IL16: variants seen among roughly 807,000 people sequenced by gnomAD.
The protein encoded by IL16 is pro-interleukin-16.
A neutral mutation model predicts 110.1 loss-of-function variants in IL16; 67 were observed. The ratio of observed to expected loss-of-function variants is 0.61; its 90% CI spans 0.50 to 0.75. IL16 has a LOEUF of 0.75. IL16 is among the 30% of genes least tolerant of loss of function. The pLI, the probability that IL16 is intolerant of heterozygous loss-of-function variation, is 0.00. For synonymous variants in IL16, 689 were observed against 662.9 expected, an observed-to-expected ratio of 1.04 and a Z score of -0.61; for missense variants, 1,545 against 1,655.0, an observed-to-expected ratio of 0.93 and a Z score of 1.15.
intron 1 of IL16, among the ~76,000 whole-genome samples, chr15:81,200,308 A>G (rs1241601613): frequency 6.6e-6 from 1 of 151,682 alleles, no homozygotes; most frequent in Non-Finnish European, 1.5e-5. Flanking sequence ...TAAAATGTAA[A>G]TTATTATGGT....
chr15:81,186,771 A>G (rs1348743502), intron 1 of IL16, among the ~76,000 whole-genome samples: 1 of 152,192 alleles, frequency 6.6e-6, no homozygotes, highest in Non-Finnish European at 1.5e-5. Flanking sequence ...TATCACATCT[A>G]TCCATCTCTC....
rs752074799 is a variant in IL16 at position 81,243,730 on chromosome 15, T to G, written c.313-16042T>G. Among the ~76,000 whole-genome samples, 77 of 152,186 alleles carry G rather than the reference T, an allele frequency of 5.1e-4. 1 individual carries two copies. The highest frequency in any genetic ancestry group is 6.6e-4 in the Admixed American group (10 of 15,206). ...TTTTGAAATTACAAATTCAATGTTC[T>G]TAATAGTTATAGAACTATTCAAATT... On this transcript the variant is annotated intron_variant, in intron 2 of 18. Transcript: ENST00000683961.
intron 1 of IL16, among the ~76,000 whole-genome samples, chr15:81,221,671 G>A (rs8040950): frequency 0.053 from 7,748 of 147,276 alleles, 684 homozygotes; most frequent in African/African-American, 0.19. Context: ...TTTTGCAATT[G>A]TTCTCTTCCT....
At chr15:81,282,578 G>T in intron 8 of IL16, 61 bp from the exon 9 acceptor site, 1 of 1,252,018 alleles carries the variant, frequency 8.0e-7, no homozygotes, top group Non-Finnish European at 1.2e-6. Context: ...CCCAATCGAC[G>T]AGTAGGCCCC....
chr15:81,218,941 T>C lies in IL16; in HGVS notation c.-101-6358T>C, dbSNP rs200374372. Among the ~76,000 whole-genome samples, 121 of 152,324 alleles carry C rather than the reference T, an allele frequency of 7.9e-4. 2 individuals carry two copies. In the East Asian group the frequency reaches 0.021, roughly 27 times the overall value. On this transcript the variant is annotated intron_variant, in intron 1 of 18. Transcript: ENST00000683961. ...TGTTTTTTTGAGTAACAATTTTTTT[T>C]TTTTTAGTCCATACTACGTGCAAGG...
exon 1 of IL16, chr15:81,182,873 G>C (rs1292445783): frequency 1.6e-6 from 2 of 1,289,524 alleles, no homozygotes; most frequent in East Asian, 5.6e-5. Flanking sequence ...TTGCAGAAGA[G>C]AGTCTTCCCG....
intron 8 of IL16, among the ~76,000 whole-genome samples, chr15:81,282,267 T>G (rs898739273): frequency 1.2e-4 from 19 of 152,206 alleles, no homozygotes; most frequent in African/African-American, 4.6e-4. Context: ...ACTTGTATTT[T>G]AGCCCAACTG....
At chr15:81,305,872 G>A in intron 16 of IL16, 36 bp from the exon 17 acceptor site, 3 of 1,606,760 alleles carry the variant, frequency 1.9e-6, no homozygotes, top group Non-Finnish European at 1.7e-6. Context: ...CTGGACTTGT[G>A]TGATTTCTGG....
intron 1 of IL16, among the ~76,000 whole-genome samples, chr15:81,200,859 T>G (rs1027408486): frequency 6.6e-6 from 1 of 152,206 alleles, no homozygotes; most frequent in Non-Finnish European, 1.5e-5. Context: ...TCATCTGTCT[T>G]TTTTTCTGTA....
At chr15:81,200,942 A>G (rs1322703372) in intron 1 of IL16, among the ~76,000 whole-genome samples, 2 of 152,176 alleles carry the variant, frequency 1.3e-5, no homozygotes, top group African/African-American at 4.8e-5. Context: ...CAGGTGGCCC[A>G]GTCTTATGCG....
Position 81,297,023 on chromosome 15 carries a change from C to T in IL16, c.1998C>T (p.Gly666=), listed in dbSNP as rs758120727. ...ASAGCPGPGI[G]PQTKSSTEGE... is the part of the protein sequence containing the mutation. ...CCGGCTGCCCAGGACCTGGTATCGG[C>T]CCACAGACCAAGTCCTCCACAGAGG... is the stretch of plus-strand genomic sequence containing the variant. The change falls in exon 13 of 19, where the codon GGC becomes GGT. Residue 666 remains glycine, a synonymous_variant. Transcript: ENST00000683961. The T allele has an allele frequency of 3.1e-6, 5 of 1,613,906 alleles. No homozygotes were observed. The highest frequency in any genetic ancestry group is 1.1e-5 in the South Asian group (1 of 91,068).
Position 81,225,621 on chromosome 15 carries a change from T to G in IL16, c.222T>G (p.Val74=). 1 of 1,614,086 alleles carries G rather than the reference T, an allele frequency of 6.2e-7. No individual in the cohort carries two copies. The highest frequency in any genetic ancestry group is 1.1e-5 in the South Asian group (1 of 91,076). Residue 74 remains valine, a synonymous_variant, in exon 2 of 19, where the codon GTT becomes GTG. Transcript: ENST00000683961. ...ADTSEAGPSS[V]PDLALASEAA... ...CATCGGAGGCTGGGCCCAGCAGTGT[T>G]CCTGATCTAGCACTGGCCTCGGAGG...
At chr15:81,205,517 A>G (rs1895985060) in intron 1 of IL16, among the ~76,000 whole-genome samples, 1 of 152,154 alleles carries the variant, frequency 6.6e-6, no homozygotes, top group African/African-American at 2.4e-5. Context: ...ATCAAATAAA[A>G]TGAATGAAAC....
At chr15:81,222,627 A>G (rs1269299136) in intron 1 of IL16, among the ~76,000 whole-genome samples, 1 of 151,936 alleles carries the variant, frequency 6.6e-6, no homozygotes, top group African/African-American at 2.4e-5. Context: ...CCCCATGTTT[A>G]TATCTTTCCT....
chr15:81,208,045 T>G (rs1896100919), intron 1 of IL16, among the ~76,000 whole-genome samples: 1 of 152,232 alleles, frequency 6.6e-6, no homozygotes, highest in Non-Finnish European at 1.5e-5. Flanking sequence ...ATCTGTTGTC[T>G]GTTGACTTTT....
Position 81,306,178 on chromosome 15 carries a change from CA to C in IL16, c.3679+14del. The C allele has an allele frequency of 5.0e-6, 8 of 1,611,012 alleles. No individual in the cohort carries two copies. Among genetic ancestry groups the C allele is most frequent in the Non-Finnish European group, 6.8e-6 (8 of 1,178,276 alleles). On this transcript the variant is annotated intron_variant, in intron 17 of 18. Transcript: ENST00000683961. ...TTCTGTAGAATCTAGTAAGTTCTCCCAACTCAGTGGAAGCCACATGGGCCAC... is the reference window on the plus strand; with the variant it reads ...TTCTGTAGAATCTAGTAAGTTCTCCCACTCAGTGGAAGCCACATGGGCCAC...
At chr15:81,207,003 G>A (rs1271637149) in intron 1 of IL16, among the ~76,000 whole-genome samples, 1 of 152,002 alleles carries the variant, frequency 6.6e-6, no homozygotes, top group African/African-American at 2.4e-5. Context: ...GGAGGCCGAG[G>A]CAGGTGGATC....
chr15:81,276,123 A>G (rs986685704), intron 6 of IL16, among the ~76,000 whole-genome samples: 6 of 152,202 alleles, frequency 3.9e-5, no homozygotes, highest in African/African-American at 1.4e-4. Flanking sequence ...GATGTTTTAA[A>G]TGTATCTATT....
chr15:81,281,116 G>A (rs1475431815), intron 8 of IL16, among the ~76,000 whole-genome samples: 1 of 152,200 alleles, frequency 6.6e-6, no homozygotes, highest in African/African-American at 2.4e-5. Context: ...ACTTGCTCTA[G>A]TCAGGACACC....
Sources: allele counts gnomAD v4.1 joint callset (sites outside exome capture counted in the v4.1 genomes callset), GRCh38; gene constraint gnomAD v4.1.1; transcripts MANE v1.5; gene names NCBI Gene and HGNC (gene_info 2026-07-23, HGNC 2026-07-21).